Variants in CSMD3 observed in about 807,000 individuals in gnomAD.
The protein encoded by CSMD3 is CUB and sushi domain-containing protein 3.
A neutral mutation model predicts 435.2 loss-of-function variants in CSMD3; 177 were observed. That is an observed-to-expected ratio of 0.41 (90% CI 0.36 to 0.46). CSMD3 has a LOEUF of 0.46. Ranked by LOEUF, CSMD3 falls within the 20% of genes least tolerant of loss-of-function variation. The probability of loss-of-function intolerance (pLI) is 0.34; values close to 1 mark genes in which losing one functional copy is unlikely to be tolerated. For synonymous variants in CSMD3, 1,656 were observed against 1,520.5 expected (o/e 1.09, Z -2.07); for missense variants, 4,265 against 4,504.6 (o/e 0.95, Z 1.52).
intron 18 of CSMD3, among the ~76,000 whole-genome samples, 190 bp downstream of exon 18, chr8:112,655,964 T>C (rs1026139746): frequency 2.0e-5 from 3 of 152,108 alleles, no homozygotes; most frequent in Non-Finnish European, 4.4e-5. Context: ...TGATATTAGA[T>C]AGATATTGCT....
At chr8:112,803,139 GA>G (rs2078998835) in intron 12 of CSMD3, among the ~76,000 whole-genome samples, 2 of 152,066 alleles carry the variant, frequency 1.3e-5, no homozygotes, top group Admixed American at 1.3e-4. Flanking sequence ...TGCATAACTA[GA>G]AGGAAAGATT....
rs73701372 is a variant in CSMD3 at position 113,337,184 on chromosome 8, C to G, written c.179-22391G>C. ...TGAAGTAAAAGGAAATTCCAGAGAA[C>G]TAGCAAAATGTTGTTCTTTAGATGT... On this transcript the variant is annotated intron_variant, in intron 1 of 70. Coordinates refer to ENST00000297405, the MANE Select transcript of CSMD3 (RefSeq NM_198123.2). Among the ~76,000 whole-genome samples, 1,173 of 152,188 alleles carry G rather than the reference C, an allele frequency of 7.7e-3. 19 individuals are homozygous for G. The highest frequency in any genetic ancestry group is 0.027 in the African/African-American group (1,113 of 41,544).
rs1319667183 is a variant in CSMD3 at position 112,685,630 on chromosome 8, G to C, written c.2258C>G (p.Ser753Cys). The change falls in exon 15 of 71, where the codon TCT (serine) becomes TGT (cysteine). Residue 753 changes from serine to cysteine, a missense_variant. Ser to Cys is a moderately radical substitution (Grantham distance 112, BLOSUM62 -1). This residue lies in a region of CSMD3 where 279 missense variants were observed against 369.0 expected (regional missense o/e 0.76). Transcript: ENST00000297405. ...AAGATGTATCCGGCTCCCTGGATCA[G>C]AGATTATCGTCCAGATGCAATTTAA... ...NNLNCIWTIISDPGSRIHLSF... is the reference protein window; with the variant it reads ...NNLNCIWTIICDPGSRIHLSF... The C allele has an allele frequency of 1.9e-6, 3 of 1,613,374 alleles. No individual in the cohort carries two copies. The highest frequency in any genetic ancestry group is 2.2e-5 in the South Asian group (2 of 91,048).
At chr8:112,595,090 C>A (rs1351510678) in intron 22 of CSMD3, among the ~76,000 whole-genome samples, 6 of 150,032 alleles carry the variant, frequency 4.0e-5, no homozygotes, top group Non-Finnish European at 3.0e-5. Context: ...ACATTCAAAC[C>A]AAAGGCAAAG....
At chr8:112,937,181 T>C (rs1364215610) in intron 9 of CSMD3, among the ~76,000 whole-genome samples, 1 of 152,122 alleles carries the variant, frequency 6.6e-6, no homozygotes, top group Non-Finnish European at 1.5e-5. Flanking sequence ...TGGAGGAGAT[T>C]TCAAAAATCT....
intron 12 of CSMD3, among the ~76,000 whole-genome samples, chr8:112,808,211 T>C (rs2079138697): frequency 6.6e-6 from 1 of 152,286 alleles, no homozygotes; most frequent in African/African-American, 2.4e-5. Context: ...TTATAGTATA[T>C]ATGATGTTTG....
chr8:112,554,976 G>A (rs570659479), intron 25 of CSMD3, among the ~76,000 whole-genome samples: 63 of 151,942 alleles, frequency 4.1e-4, no homozygotes, highest in African/African-American at 1.5e-3. Context: ...TAATCATTGC[G>A]AGTAGAGAAC....
intron 13 of CSMD3, among the ~76,000 whole-genome samples, chr8:112,788,839 G>GA (rs1312583386): frequency 1.3e-5 from 2 of 152,028 alleles, no homozygotes; most frequent in African/African-American, 4.8e-5. Flanking sequence ...GTTGTTTTCT[G>GA]AAAGAACTTG....
At chr8:112,640,839 GA>G (rs917837968) in intron 20 of CSMD3, among the ~76,000 whole-genome samples, 2 of 151,542 alleles carry the variant, frequency 1.3e-5, no homozygotes, top group African/African-American at 2.4e-5. Flanking sequence ...ATAAAGCTAA[GA>G]AAAAAATAGT....
At chr8:112,688,989 T>G (rs2131819776) in intron 14 of CSMD3, among the ~76,000 whole-genome samples, 1 of 152,144 alleles carries the variant, frequency 6.6e-6, no homozygotes, top group African/African-American at 2.4e-5. Context: ...ACACCTAGAA[T>G]TAAAAATTGT....
At chr8:112,851,495 G>A (rs1259199789) in intron 11 of CSMD3, among the ~76,000 whole-genome samples, 5 of 152,114 alleles carry the variant, frequency 3.3e-5, no homozygotes, top group Admixed American at 1.3e-4. Flanking sequence ...AGCCGGGCGC[G>A]GTGGCTCATG....
At chr8:112,963,342 C>T (rs10505197) in intron 7 of CSMD3, among the ~76,000 whole-genome samples, 15,554 of 151,894 alleles carry the variant, frequency 0.1, 1,257 homozygotes, top group African/African-American at 0.22. Context: ...AGTAAAACTT[C>T]CTCAAATTAG....
chr8:112,800,545 A>G (rs922185888), intron 12 of CSMD3, among the ~76,000 whole-genome samples: 3 of 152,048 alleles, frequency 2.0e-5, no homozygotes, highest in Middle Eastern at 3.2e-3. Context: ...AAACTCCTAC[A>G]CAGTACTTGT....
chr8:113,168,424 GGCA>G (rs2092196965), intron 4 of CSMD3, among the ~76,000 whole-genome samples: 1 of 148,352 alleles, frequency 6.7e-6, no homozygotes, highest in Non-Finnish European at 1.5e-5. Flanking sequence ...GGGAGGCTGA[GGCA>G]GGAGAATCGC....
intron 4 of CSMD3, among the ~76,000 whole-genome samples, chr8:113,111,502 G>A (rs896736741): frequency 1.3e-5 from 2 of 151,498 alleles, no homozygotes; most frequent in East Asian, 1.9e-4. Flanking sequence ...TTCCCCCTCC[G>A]CCCCCACAAT....
intron 3 of CSMD3, among the ~76,000 whole-genome samples, chr8:113,187,296 G>T (rs1395160091): frequency 6.6e-6 from 1 of 151,610 alleles, no homozygotes; most frequent in South Asian, 2.1e-4. Context: ...CTACATCAAG[G>T]GGACTGCTAC....
intron 19 of CSMD3, among the ~76,000 whole-genome samples, chr8:112,649,741 G>C (rs2075076416): frequency 6.6e-6 from 1 of 152,176 alleles, no homozygotes; most frequent in African/African-American, 2.4e-5. Flanking sequence ...TGTGTAGCTG[G>C]TTAGAATTTT....
chr8:112,534,330 G>A (rs1825840808), intron 27 of CSMD3, among the ~76,000 whole-genome samples: 1 of 152,088 alleles, frequency 6.6e-6, no homozygotes, highest in East Asian at 1.9e-4. Context: ...AATAAAAAAT[G>A]ATAAAGGGGA....
At chr8:113,223,594 T>G (rs1023072921) in intron 3 of CSMD3, among the ~76,000 whole-genome samples, 2 of 148,696 alleles carry the variant, frequency 1.3e-5, no homozygotes, top group African/African-American at 4.9e-5. Flanking sequence ...TCAAAACATT[T>G]TTGACAATTT....
Sources: gnomAD v4.1 joint callset for allele counts (sites outside exome capture counted in the v4.1 genomes callset) on GRCh38, gnomAD v4.1.1 for gene constraint, gnomAD v4.1.1 regional missense constraint, MANE v1.5 for transcripts, NCBI Gene and HGNC (gene_info 2026-07-23, HGNC 2026-07-21) for gene names.